TTC39C: variants seen among roughly 807,000 people sequenced by gnomAD.
The protein encoded by TTC39C is tetratricopeptide repeat domain 39C.
A neutral mutation model predicts 76.3 loss-of-function variants in TTC39C; 33 were observed. The observed-to-expected ratio is 0.43, with a 90% confidence interval of 0.33 to 0.58. The LOEUF (loss-of-function observed/expected upper bound fraction) is 0.58. TTC39C is among the 20% of genes least tolerant of loss of function. TTC39C has a pLI of 0.04. For missense variants in TTC39C, 595 were observed against 701.4 expected (o/e 0.85, Z 1.71); for synonymous variants, 254 against 260.6 (o/e 0.97, Z 0.24).
At chr18:24,077,032 T>C (rs1349904638) in intron 4 of TTC39C, 1 of 152,212 alleles carries the variant, frequency 6.6e-6, no homozygotes, top group Non-Finnish European at 1.5e-5. Context: ...TTCATGTCTA[T>C]AATCCTGGTC....
chr18:24,053,252 A>G (rs1290375521), intron 1 of TTC39C, among the ~76,000 whole-genome samples: 7 of 152,060 alleles, frequency 4.6e-5, no homozygotes, highest in Admixed American at 4.6e-4. Flanking sequence ...CTTTTCTTAG[A>G]CCTTTGATGT....
intron 4 of TTC39C, among the ~76,000 whole-genome samples, chr18:24,071,124 T>A (rs1240970638): frequency 6.6e-6 from 1 of 152,002 alleles, no homozygotes; most frequent in Non-Finnish European, 1.5e-5. Context: ...GAGGCGGGGT[T>A]TCACTATGTT....
chr18:24,005,922 A>G (rs1267020125), intron 1 of TTC39C, among the ~76,000 whole-genome samples: 1 of 152,112 alleles, frequency 6.6e-6, no homozygotes, highest in African/African-American at 2.4e-5. Context: ...TATGCAACCA[A>G]TCACCACTAT....
At chr18:24,112,449 G>T (rs534081175) in intron 6 of TTC39C, among the ~76,000 whole-genome samples, 1 of 152,138 alleles carries the variant, frequency 6.6e-6, no homozygotes, top group Non-Finnish European at 1.5e-5. Context: ...TTCTTCATCC[G>T]CAAATGGAAT....
rs575816241 is a variant in TTC39C at position 24,125,182 on chromosome 18, A to G, written c.1297-245A>G. 2.0e-5 allele frequency among the ~76,000 whole-genome samples: 3 copies of G among 152,284 alleles called. No homozygotes were observed. In the South Asian group the frequency reaches 6.2e-4, roughly 32 times the overall value. ...GCTGGGATTACAGGCGTGAGCCACC[A>G]TGCCTGGCCCCACCCTGCATTTTGA... On this transcript the variant is annotated intron_variant, in intron 9 of 13. Transcript: ENST00000317571.
At chr18:24,034,688 G>A (rs1249487791) in intron 1 of TTC39C, among the ~76,000 whole-genome samples, 3 of 152,086 alleles carry the variant, frequency 2.0e-5, no homozygotes, top group Non-Finnish European at 2.9e-5. Flanking sequence ...GTCTCTATGA[G>A]TTTGTTTGTG....
intron 1 of TTC39C, among the ~76,000 whole-genome samples, chr18:23,999,609 T>C (rs771898196): frequency 4.6e-5 from 2 of 43,802 alleles, no homozygotes; most frequent in Non-Finnish European, 4.4e-4. Context: ...GCCGGTGCCC[T>C]GTGCTAGGGC....
At chr18:24,054,909 C>T (rs1293454246) in intron 1 of TTC39C, among the ~76,000 whole-genome samples, 1 of 152,196 alleles carries the variant, frequency 6.6e-6, no homozygotes, top group African/African-American at 2.4e-5. Context: ...CCTTTCCCTA[C>T]CTCCAACCCC....
intron 12 of TTC39C, 29 bp downstream of exon 12, chr18:24,130,446 A>G: frequency 1.1e-6 from 1 of 916,720 alleles, no homozygotes; most frequent in Non-Finnish European, 1.4e-6. Flanking sequence ...AATATAATAT[A>G]TATTTTTAAT....
In TTC39C at chr18:24,125,439, C is replaced by T. The variant is rs747578347; in HGVS notation, c.1309C>T (p.Arg437Trp). 81 of 1,613,972 alleles carry T rather than the reference C, an allele frequency of 5.0e-5. No individual in the cohort carries two copies. Among genetic ancestry groups the T allele is most frequent in the Middle Eastern group, 1.6e-4 (1 of 6,082 alleles). The change falls in exon 10 of 14, where the codon CGG becomes TGG. Residue 437 changes from arginine to tryptophan, a missense_variant. Transcript: ENST00000317571. ...TGACTCCTTGCAGGCAGAGCGATTT[C>T]GGAAGCAAACCCCAACCAAAGCGCT... Reference protein sequence around the residue: ...QFSVKKAERFRKQTPTKALCV... With the variant: ...QFSVKKAERFWKQTPTKALCV...
chr18:24,124,618 A>T (rs2085023340), intron 9 of TTC39C, among the ~76,000 whole-genome samples: 1 of 152,220 alleles, frequency 6.6e-6, no homozygotes, highest in Non-Finnish European at 1.5e-5. Flanking sequence ...ATCCTGAATT[A>T]TCAGTTATTT....
chr18:24,027,546 A>G (rs1194734982), intron 1 of TTC39C, among the ~76,000 whole-genome samples: 1 of 149,346 alleles, frequency 6.7e-6, no homozygotes, highest in East Asian at 1.9e-4. Context: ...AGCTGCACAC[A>G]TCTCTGAGGT....
At chr18:24,021,841 G>A (rs1448344575) in intron 1 of TTC39C, among the ~76,000 whole-genome samples, 1 of 152,192 alleles carries the variant, frequency 6.6e-6, no homozygotes, top group Non-Finnish European at 1.5e-5. Flanking sequence ...TACAGAGAAA[G>A]CCCCTAGAGA....
At chr18:23,996,278 G>C (rs1386915906) in intron 1 of TTC39C, among the ~76,000 whole-genome samples, 1 of 152,258 alleles carries the variant, frequency 6.6e-6, no homozygotes, top group African/African-American at 2.4e-5. Flanking sequence ...CAGAGAGATG[G>C]AAGAGGGGCA....
At chr18:24,124,066 T>C (rs2085014035) in intron 9 of TTC39C, 123 bp downstream of exon 9, 1 of 634,920 alleles carries the variant, frequency 1.6e-6, no homozygotes, top group Non-Finnish European at 2.7e-6. Flanking sequence ...TAAAGTGCAG[T>C]TCACCGCCAT....
At chr18:24,000,166 C>A (rs546096664) in intron 1 of TTC39C, among the ~76,000 whole-genome samples, 2 of 152,162 alleles carry the variant, frequency 1.3e-5, no homozygotes, top group African/African-American at 4.8e-5. Flanking sequence ...ACTGCTCCCC[C>A]CAACCCCCAA....
chr18:24,045,994 G>C (rs1467286978), intron 1 of TTC39C, among the ~76,000 whole-genome samples: 2 of 130,082 alleles, frequency 1.5e-5, no homozygotes, highest in African/African-American at 3.0e-5. Flanking sequence ...GCTGGAGTGC[G>C]ACGGCACAAT....
At chr18:24,015,179 G>T in intron 1 of TTC39C, 141 bp downstream of exon 1, 2 of 710,830 alleles carry the variant, frequency 2.8e-6, no homozygotes, top group Non-Finnish European at 4.2e-6. Context: ...TCCCTGGCAA[G>T]ATCAGCCAGA....
chr18:24,049,877 A>G (rs904685882), intron 1 of TTC39C, among the ~76,000 whole-genome samples: 77 of 152,232 alleles, frequency 5.1e-4, no homozygotes, highest in South Asian at 1.2e-3. Flanking sequence ...CTTAATTTTT[A>G]TGTTGCTACT....
Sources: allele counts gnomAD v4.1 joint callset (sites outside exome capture counted in the v4.1 genomes callset), GRCh38; gene constraint gnomAD v4.1.1; transcripts MANE v1.5; gene names NCBI Gene and HGNC (gene_info 2026-07-23, HGNC 2026-07-21).